PHC2: variants seen among roughly 807,000 people sequenced by gnomAD.
PHC2 encodes polyhomeotic homolog 2.
A neutral mutation model predicts 87.4 loss-of-function variants in PHC2; 29 were observed. The observed-to-expected ratio is 0.33, with a 90% CI of 0.25 to 0.45. The LOEUF is 0.45. PHC2 is among the 20% of genes least tolerant of loss of function. The pLI is 1.00. For missense variants in PHC2, 857 were observed against 1,136.7 expected, an observed-to-expected ratio of 0.75 and a Z score of 3.54; for synonymous variants, 438 against 461.7, an observed-to-expected ratio of 0.95 and a Z score of 0.66.
rs756993269 is a variant in PHC2 at position 33,355,259 on chromosome 1, A to G, written c.977-6T>C. 1 of 1,558,758 alleles carries G rather than the reference A, an allele frequency of 6.4e-7. No individual in the cohort carries two copies. The highest frequency in any genetic ancestry group is 1.8e-5 in the Admixed American group (1 of 56,404). On this transcript the variant is annotated splice_polypyrimidine_tract_variant and splice_region_variant and intron_variant, in intron 7 of 14. Coordinates refer to ENST00000683057, the MANE Select transcript of PHC2 (RefSeq NM_001385109.1). ...TGGCTGCAGCTGAGCATAGGCTGAA[A>G]GGGGAAAGGCCAGGTTAGAGAGCAT...
intron 1 of PHC2, among the ~76,000 whole-genome samples, chr1:33,386,775 ACACAGTGCGCACACACAT>A (rs1648777103): frequency 1.3e-5 from 2 of 152,172 alleles, no homozygotes; most frequent in Admixed American, 1.3e-4. Context: ...AGCACACAGC[ACACAGTGCGCACACACAT>A]CACAGTGTGC....
chr1:33,349,570 G>C lies in PHC2; in HGVS notation c.1558+4831C>G, dbSNP rs1646918759. On this transcript the variant is annotated intron_variant, in intron 9 of 14. Coordinates refer to ENST00000683057, the MANE Select transcript of PHC2 (RefSeq NM_001385109.1). This position sits in a 1 kb window ranked among gnomAD's most constrained non-coding sequence, Gnocchi z 4.2. ...CGGCCCCCGGCCTCCCTACTGGCGAGAACCCCTCCCCCGCCCCGGCACTGA... is the reference window on the plus strand; with the variant it reads ...CGGCCCCCGGCCTCCCTACTGGCGACAACCCCTCCCCCGCCCCGGCACTGA... 2 of 983,544 alleles carry C rather than the reference G, an allele frequency of 2.0e-6. No homozygotes were observed. The highest frequency in any genetic ancestry group is 1.7e-5 in the African/African-American group (1 of 57,182). 60.9% of individuals were successfully genotyped at this position (983,544 alleles called of 1,614,324 possible).
At chr1:33,366,291 G>GAA (rs1426497706) in intron 7 of PHC2, among the ~76,000 whole-genome samples, 1 of 152,216 alleles carries the variant, frequency 6.6e-6, no homozygotes, top group East Asian at 1.9e-4. Context: ...TGGTAAAACA[G>GAA]GGTGGTCTTG....
chr1:33,391,965 G>T (rs1168834157), intron 1 of PHC2, among the ~76,000 whole-genome samples: 1 of 152,190 alleles, frequency 6.6e-6, no homozygotes, highest in Non-Finnish European at 1.5e-5. Context: ...CAAAAGGAAG[G>T]CAAGATAAGG....
chr1:33,364,049 T>C lies in PHC2; in HGVS notation c.976+3067A>G, dbSNP rs1647288723. The C allele has an allele frequency of 7.1e-6, 2 of 279,764 alleles. No homozygotes were observed. The highest frequency in any genetic ancestry group is 1.1e-5 in the Non-Finnish European group (2 of 184,636). The allele number at this position is 279,764 out of a possible 1,614,324, so 17.3% of individuals were successfully genotyped here. On this transcript the variant is annotated intron_variant, in intron 7 of 14. Transcript: ENST00000683057. The surrounding 1 kb of genome is among the most constrained non-coding windows in gnomAD (Gnocchi z 4.1). ...TCTCGGCATAAGGGACCTTTTCTAT[T>C]TGCAGAGCCTGAAGAAGCCGGTTGC... is the stretch of plus-strand genomic sequence containing the variant.
rs926781579 is a variant in PHC2 at position 33,351,673 on chromosome 1, C to G, written c.1558+2728G>C. 3.3e-5 allele frequency among the ~76,000 whole-genome samples: 5 copies of G among 152,132 alleles called. 1 individual carries two copies. The highest frequency in any genetic ancestry group is 4.8e-5 in the African/African-American group (2 of 41,414). ...GGCATTCACACATACACAGAATGGG[C>G]CGGGCGCAGTGGCTCACACCTGTAA... On this transcript the variant is annotated intron_variant, in intron 9 of 14. Transcript: ENST00000683057.
chr1:33,425,573 A>G (rs1203169807), intron 1 of PHC2, among the ~76,000 whole-genome samples: 1 of 152,230 alleles, frequency 6.6e-6, no homozygotes, highest in East Asian at 1.9e-4. Context: ...ATCAAAGAGG[A>G]AGATTACTAA....
At chr1:33,337,496 CATT>C (rs1646664158) in intron 9 of PHC2, among the ~76,000 whole-genome samples, 1 of 152,184 alleles carries the variant, frequency 6.6e-6, no homozygotes, top group Non-Finnish European at 1.5e-5. Context: ...TGGTCTCTAT[CATT>C]GAGTCAACTG....
intron 12 of PHC2, 102 bp from the exon 13 acceptor site, chr1:33,330,314 C>T (rs1337449192): frequency 7.7e-7 from 1 of 1,301,794 alleles, no homozygotes; most frequent in Non-Finnish European, 1.1e-6. Flanking sequence ...TTGAGTCCAT[C>T]TATTGGTTCA....
chr1:33,347,403 T>C (rs1646864537), intron 9 of PHC2: 1 of 984,832 alleles, frequency 1.0e-6, no homozygotes, highest in East Asian at 1.1e-4. Flanking sequence ...CTTCTTTACT[T>C]AGAGGGAAGA....
Position 33,355,200 on chromosome 1 carries a change from G to T in PHC2, c.1030C>A (p.Leu344Met). The T allele has an allele frequency of 1.2e-6, 2 of 1,603,806 alleles. No individual in the cohort carries two copies. ...TGCTGGATCACAAATTGGGGCTGCAGGTGCTTTGAGGATGGCTGTGGGAGG... is the reference window on the plus strand; with the variant it reads ...TGCTGGATCACAAATTGGGGCTGCATGTGCTTTGAGGATGGCTGTGGGAGG... The part of the protein sequence containing the change: ...QLLPQPSSKH[L>M]QPQFVIQQQP... Residue 344 changes from leucine to methionine, a missense_variant, in exon 8 of 15, where the codon CTG becomes ATG. Transcript: ENST00000683057.
intron 1 of PHC2, among the ~76,000 whole-genome samples, chr1:33,404,673 G>A (rs1335338626): frequency 1.3e-5 from 2 of 151,980 alleles, no homozygotes; most frequent in South Asian, 2.1e-4. Flanking sequence ...AATATTTATC[G>A]AGCACTCTGG....
rs138567024 is a variant in PHC2 at position 33,355,611 on chromosome 1, A to G, written c.977-358T>C. ...GTGTGACATGCTCTCGCTCTCCTCCATGCCCTTCACCTGCTGTTCTCTGTG... is the reference window on the plus strand; with the variant it reads ...GTGTGACATGCTCTCGCTCTCCTCCGTGCCCTTCACCTGCTGTTCTCTGTG... On this transcript the variant is annotated intron_variant, in intron 7 of 14. Transcript: ENST00000683057. Among the ~76,000 whole-genome samples, 8 of 152,296 alleles carry G rather than the reference A, an allele frequency of 5.3e-5. No individual in the cohort carries two copies. In the East Asian group the frequency reaches 1.4e-3, roughly 26 times the overall value.
rs1016799135 is a variant in PHC2 at position 33,349,301 on chromosome 1, G to C, written c.1558+5100C>G. ...GGGAAGTCGCAGCGGCGGGGAGGCC[G>C]GTCCTAGGTTGGGGCTGGGGTGGGG... On this transcript the variant is annotated intron_variant, in intron 9 of 14. Transcript: ENST00000683057. The surrounding 1 kb of genome is among the most constrained non-coding windows in gnomAD (Gnocchi z 4.2). The C allele has an allele frequency of 5.1e-5, 50 of 985,272 alleles. No individual in the cohort carries two copies. Among genetic ancestry groups the C allele is most frequent in the Admixed American group, 6.2e-5 (1 of 16,256 alleles). 61.0% of individuals were successfully genotyped at this position (985,272 alleles called of 1,614,324 possible).
At chr1:33,394,080 A>T (rs547035581) in intron 1 of PHC2, among the ~76,000 whole-genome samples, 1 of 152,326 alleles carries the variant, frequency 6.6e-6, no homozygotes, top group South Asian at 2.1e-4. Context: ...GTCCTATAAT[A>T]AATTTCAGAA....
At chr1:33,328,249 G>A (rs1169287278) in intron 14 of PHC2, among the ~76,000 whole-genome samples, 2 of 152,116 alleles carry the variant, frequency 1.3e-5, no homozygotes, top group Non-Finnish European at 2.9e-5. Context: ...AGGGCTCTGT[G>A]CCATGTCTGG....
chr1:33,373,953 G>A (rs962514303), intron 2 of PHC2, among the ~76,000 whole-genome samples: 5 of 152,108 alleles, frequency 3.3e-5, no homozygotes, highest in Non-Finnish European at 5.9e-5. Context: ...CAGATCCTCC[G>A]TGGGCTCTGG....
chr1:33,414,509 C>T (rs1368385531), intron 1 of PHC2, among the ~76,000 whole-genome samples: 2 of 152,102 alleles, frequency 1.3e-5, no homozygotes. Flanking sequence ...CACTGAAGCC[C>T]ACTGACAAAG....
At chr1:33,423,768 C>T (rs115201000) in intron 1 of PHC2, among the ~76,000 whole-genome samples, 2,192 of 152,274 alleles carry the variant, frequency 0.014, 44 homozygotes, top group African/African-American at 0.049. Context: ...AATTGTATTT[C>T]CTTCTGGACA....
Sources: gnomAD v4.1 joint callset for allele counts (sites outside exome capture counted in the v4.1 genomes callset) on GRCh38, gnomAD v4.1.1 for gene constraint, Gnocchi (gnomAD v3.1) non-coding constraint, MANE v1.5 for transcripts, NCBI Gene and HGNC (gene_info 2026-07-23, HGNC 2026-07-21) for gene names.